Variants in ART3 observed in about 807,000 individuals in gnomAD.
ART3 encodes the protein ADP-ribosyltransferase 3 (inactive), also known as ecto-ADP-ribosyltransferase 3.
In ART3, 49 loss-of-function variants were observed where a neutral mutation model predicts 48.5. That is an observed-to-expected ratio of 1.01 (90% CI 0.80 to 1.28). The LOEUF is 1.28. ART3 is among the 50% of genes most tolerant of loss of function. ART3 has a pLI of 0.00. For missense variants in ART3, 438 were observed against 454.3 expected (o/e 0.96, Z 0.33); for synonymous variants, 145 against 157.2 (o/e 0.92, Z 0.58).
chr4:76,054,994 C>CA (rs1234402110), intron 1 of ART3, among the ~76,000 whole-genome samples: 4 of 152,288 alleles, frequency 2.6e-5, no homozygotes, highest in South Asian at 4.2e-4. Flanking sequence ...AGGCTGGACT[C>CA]AAACTCCTGG....
intron 1 of ART3, among the ~76,000 whole-genome samples, chr4:76,012,511 C>G (rs757255569): frequency 1.3e-5 from 2 of 152,126 alleles, no homozygotes; most frequent in Non-Finnish European, 2.9e-5. Flanking sequence ...CAGGCAAATC[C>G]TAGCTGTGGG....
chr4:76,037,926 T>C (rs1734587913), intron 1 of ART3, among the ~76,000 whole-genome samples: 1 of 152,170 alleles, frequency 6.6e-6, no homozygotes, highest in Non-Finnish European at 1.5e-5. Flanking sequence ...AGAATTATCA[T>C]TTGCATTTTA....
At chr4:76,039,345 T>C (rs920383873) in intron 1 of ART3, among the ~76,000 whole-genome samples, 9 of 152,154 alleles carry the variant, frequency 5.9e-5, no homozygotes, top group African/African-American at 2.2e-4. Flanking sequence ...AGGGCTGTTA[T>C]AAACTAGGTA....
At chr4:76,104,547 A>T (rs1193820933) in intron 9 of ART3, 50 bp from the exon 10 acceptor site, 6 of 1,551,182 alleles carry the variant, frequency 3.9e-6, no homozygotes, top group Non-Finnish European at 4.4e-6. Flanking sequence ...TTTGAAAATT[A>T]TACTCAGTGG....
Position 76,108,886 on chromosome 4 carries a change from GA to G in ART3, c.1036+1097del, listed in dbSNP as rs1347913571. ...GTAAGTATTTGTGTATCTAAACATA[GA>G]AAAGTTATGGTAAAAATATAAAAGA... On this transcript the variant is annotated intron_variant, in intron 11 of 11. Coordinates refer to ENST00000355810, the MANE Select transcript of ART3 (RefSeq NM_001130016.3). 2.6e-5 allele frequency among the ~76,000 whole-genome samples: 4 copies of G among 152,280 alleles called. No individual in the cohort carries two copies. The East Asian group carries it at 7.7e-4, about 29-fold the overall frequency.
chr4:76,088,321 C>T (rs149922462), intron 3 of ART3, among the ~76,000 whole-genome samples: 5 of 151,368 alleles, frequency 3.3e-5, no homozygotes, highest in East Asian at 3.9e-4. Flanking sequence ...TAGAGAGAGG[C>T]GTGCCTGTAT....
chr4:76,105,968 T>C (rs1015556650), intron 10 of ART3: 1 of 985,220 alleles, frequency 1.0e-6, no homozygotes, highest in Non-Finnish European at 1.2e-6. Flanking sequence ...AATCGTCCAG[T>C]AGGCCACTAG....
chr4:76,103,598 T>TA (rs1311750627), intron 8 of ART3, among the ~76,000 whole-genome samples: 1 of 152,110 alleles, frequency 6.6e-6, no homozygotes, highest in African/African-American at 2.4e-5. Context: ...GTCACAGAGC[T>TA]AATAACTATA....
chr4:76,022,253 G>C (rs1732909063), intron 1 of ART3: 6 of 854,286 alleles, frequency 7.0e-6, no homozygotes, highest in Non-Finnish European at 1.2e-5. Flanking sequence ...GGGCGTGGTG[G>C]TAACATACTT....
chr4:76,078,203 T>C (rs1209711933), intron 2 of ART3, among the ~76,000 whole-genome samples: 1 of 152,152 alleles, frequency 6.6e-6, no homozygotes, highest in Non-Finnish European at 1.5e-5. Flanking sequence ...ACTTTGTCAC[T>C]GCTCAAGGCA....
intron 10 of ART3, chr4:76,105,565 C>T: frequency 1.6e-6 from 2 of 1,288,100 alleles, no homozygotes; most frequent in South Asian, 1.2e-5. Flanking sequence ...GTAATATATT[C>T]TTTATTGGGG....
At position 76,015,169 on chromosome 4, in the gene ART3, G is replaced by T. The variant is rs113235759; in HGVS notation, c.-10+3849G>T. 3.3e-5 allele frequency among the ~76,000 whole-genome samples: 5 copies of T among 152,232 alleles called. No homozygotes were observed. The South Asian group carries it at 1.0e-3, about 32-fold the overall frequency. Reference sequence around the variant, plus strand: ...AAAAACCAGTATTATTGCACTTTTGGTTTGTACCTTCTCATTTTTCCTATG... The same window carrying T: ...AAAAACCAGTATTATTGCACTTTTGTTTTGTACCTTCTCATTTTTCCTATG... On this transcript the variant is annotated intron_variant, in intron 1 of 9. Transcript: ENST00000341029.
chr4:76,068,595 AG>A, intron 1 of ART3, among the ~76,000 whole-genome samples: 1 of 152,222 alleles, frequency 6.6e-6, no homozygotes, highest in South Asian at 2.1e-4. Flanking sequence ...ATGGACACAA[AG>A]GGGGGACCAA....
intron 3 of ART3, among the ~76,000 whole-genome samples, chr4:76,096,456 G>T (rs1251166253): frequency 1.3e-5 from 2 of 152,122 alleles, no homozygotes; most frequent in Non-Finnish European, 2.9e-5. Flanking sequence ...GCCTCTCTAG[G>T]GATTCTCCTA....
intron 11 of ART3, 86 bp from the exon 12 acceptor site, chr4:76,112,300 G>C: frequency 6.8e-7 from 1 of 1,460,332 alleles, no homozygotes; most frequent in Non-Finnish European, 9.2e-7. Flanking sequence ...TAGTGTCATT[G>C]TTTACATATT....
intron 2 of ART3, 45 bp downstream of exon 2, chr4:76,076,003 CGT>C: frequency 1.9e-6 from 2 of 1,057,128 alleles, no homozygotes; most frequent in Non-Finnish European, 2.7e-6. Context: ...AATGGAAATT[CGT>C]TTTTTTTTTT....
chr4:76,093,754 T>A (rs1578537676), intron 3 of ART3, among the ~76,000 whole-genome samples: 1 of 152,234 alleles, frequency 6.6e-6, no homozygotes, highest in Non-Finnish European at 1.5e-5. Flanking sequence ...GTGTCTAGTT[T>A]GTCAGTAATT....
chr4:76,077,207 G>C (rs1448059855), intron 2 of ART3, among the ~76,000 whole-genome samples: 2 of 152,036 alleles, frequency 1.3e-5, no homozygotes, highest in African/African-American at 4.8e-5. Context: ...CCATTCCCTG[G>C]CAACCACTGT....
chr4:76,067,537 G>C (rs538326591), intron 1 of ART3, among the ~76,000 whole-genome samples: 7 of 152,216 alleles, frequency 4.6e-5, no homozygotes, highest in Non-Finnish European at 1.0e-4. Context: ...CTAACAGCTA[G>C]AACTAACAGA....
Sources: gnomAD v4.1 joint callset for allele counts (sites outside exome capture counted in the v4.1 genomes callset) on GRCh38, gnomAD v4.1.1 for gene constraint, MANE v1.5 for transcripts, NCBI Gene and HGNC (gene_info 2026-07-23, HGNC 2026-07-21) for gene names.